The following STK38L variants were observed in gnomAD, a reference collection of about 807,000 sequenced individuals.
STK38L encodes serine/threonine kinase 38 like.
A neutral mutation model predicts 59.7 loss-of-function variants in STK38L; 28 were observed. The observed-to-expected ratio is 0.47, with a 90% CI of 0.35 to 0.64. STK38L has a LOEUF of 0.64. Among genes scored for constraint, STK38L ranks in the 30% least tolerant of loss-of-function variants. The probability of loss-of-function intolerance (pLI) is 0.01; values close to 1 mark genes in which losing one functional copy is unlikely to be tolerated. For missense variants in STK38L, 314 were observed against 555.8 expected (o/e 0.56, Z 4.37); for synonymous variants, 162 against 176.8 (o/e 0.92, Z 0.66).
intron 1 of STK38L, among the ~76,000 whole-genome samples, chr12:27,256,912 CCGTTTTACAT>C (rs1943102534): frequency 6.6e-6 from 1 of 152,138 alleles, no homozygotes; most frequent in African/African-American, 2.4e-5. Flanking sequence ...ATATGTGGTT[CCGTTTTACAT>C]CAAATAGAAT....
Position 27,322,133 on chromosome 12 carries a change from CT to C in STK38L, c.1176-5del, listed in dbSNP as rs1446003821. 1 of 1,608,986 alleles carries C rather than the reference CT, an allele frequency of 6.2e-7. No individual in the cohort carries two copies. Among genetic ancestry groups the C allele is most frequent in the African/African-American group, 1.3e-5 (1 of 74,598 alleles). ...AAAAGTTACCATGCATACTTAATAC[CT>C]TTTTATAGGGAAAGGCCAGCAGCAA... On this transcript the variant is annotated splice_polypyrimidine_tract_variant and intron_variant, in intron 12 of 13. Transcript: ENST00000389032.
At position 27,306,248 on chromosome 12, in the gene STK38L, T is replaced by C. The variant is rs188719632; in HGVS notation, c.187-2091T>C. Among the ~76,000 whole-genome samples the C allele has an allele frequency of 2.6e-3, 395 of 152,306 alleles. 8 individuals carry two copies. The highest frequency in any genetic ancestry group is 0.025 in the Admixed American group (376 of 15,300). On this transcript the variant is annotated intron_variant, in intron 3 of 13. Coordinates refer to ENST00000389032, the MANE Select transcript of STK38L (RefSeq NM_015000.4). Reference sequence around the variant, plus strand: ...GTGTATAGTGATGTCATCTTTTCCATTCAGATTAAGCAGGATTTCTGCAAC... The same window carrying C: ...GTGTATAGTGATGTCATCTTTTCCACTCAGATTAAGCAGGATTTCTGCAAC...
intron 1 of STK38L, among the ~76,000 whole-genome samples, chr12:27,256,569 G>A (rs57322987): frequency 0.084 from 12,795 of 152,236 alleles, 702 homozygotes; most frequent in African/African-American, 0.15. Flanking sequence ...TGTCTAGTAT[G>A]TATTTCTTTT....
rs1297241017 is a variant in STK38L at position 27,315,018 on chromosome 12, C to G, written c.676C>G (p.His226Asp). 6.3e-7 allele frequency: 1 copy of G among 1,598,048 alleles called. No individual in the cohort carries two copies. Among genetic ancestry groups the G allele is most frequent in the Admixed American group, 1.7e-5 (1 of 57,258 alleles). The change falls in exon 8 of 14, where the codon CAT becomes GAT. Residue 226 changes from histidine (H) to aspartate (D), a missense_variant. His to Asp is a moderately conservative substitution (Grantham distance 81). Transcript: ENST00000389032. ...PDNLLLDAKG[H>D]VKLSDFGLCT... ...ATTTTACTGGATTTTTTTTTAGGGT[C>G]ATGTAAAATTATCTGATTTTGGTTT... is the stretch of plus-strand genomic sequence containing the variant.
chr12:27,302,661 T>C (rs1431423811), intron 3 of STK38L, among the ~76,000 whole-genome samples: 1 of 152,140 alleles, frequency 6.6e-6, no homozygotes. Flanking sequence ...TTTGATCATC[T>C]TACTCTTTTG....
At chr12:27,263,833 T>G (rs1943251174) in intron 1 of STK38L, among the ~76,000 whole-genome samples, 1 of 152,228 alleles carries the variant, frequency 6.6e-6, no homozygotes, top group Non-Finnish European at 1.5e-5. Context: ...TAAATCTGTC[T>G]ACGTGAGAGT....
At chr12:27,267,592 A>G (rs563471076) in intron 1 of STK38L, among the ~76,000 whole-genome samples, 158 of 152,302 alleles carry the variant, frequency 1.0e-3, no homozygotes, top group African/African-American at 3.6e-3. Context: ...GAGTATTTTT[A>G]CAGTATGTAC....
At chr12:27,272,411 G>A (rs1344147124) in intron 1 of STK38L, among the ~76,000 whole-genome samples, 1 of 152,174 alleles carries the variant, frequency 6.6e-6, no homozygotes, top group East Asian at 1.9e-4. Flanking sequence ...TTTGCCATGC[G>A]ATTTAAATAT....
intron 2 of STK38L, chr12:27,300,708 G>C: frequency 2.3e-6 from 1 of 434,560 alleles, no homozygotes; most frequent in Non-Finnish European, 4.6e-6. Flanking sequence ...AGTGTAATAA[G>C]CACCAAGGTA....
In STK38L at chr12:27,256,367, C is replaced by G. The variant is rs374986147; in HGVS notation, c.-12+12035C>G. ...TTCCATCACTCCCCTACTCACCTCT[C>G]CAACCACACTGAACCACTAGCTTTC... On this transcript the variant is annotated intron_variant, in intron 1 of 13. Coordinates refer to ENST00000389032, the MANE Select transcript of STK38L (RefSeq NM_015000.4). 3.0e-4 allele frequency among the ~76,000 whole-genome samples: 46 copies of G among 152,302 alleles called. 2 individuals carry two copies. In the South Asian group the frequency reaches 9.3e-3, roughly 31 times the overall value.
rs779135583 is a variant in STK38L at position 27,324,827 on chromosome 12, G to A, written c.*2372G>A. Reference sequence around the variant, plus strand: ...GCAAATTAACTAGATAATTTGCAAAGTACCCTTGAGATTGAATTTTCTCTA... The same window carrying A: ...GCAAATTAACTAGATAATTTGCAAAATACCCTTGAGATTGAATTTTCTCTA... On this transcript the variant is annotated 3_prime_UTR_variant, in exon 14 of 14. Coordinates refer to ENST00000389032, the MANE Select transcript of STK38L (RefSeq NM_015000.4). The A allele has an allele frequency of 2.6e-5, 4 of 152,040 alleles. No individual in the cohort carries two copies. Among genetic ancestry groups the A allele is most frequent in the Non-Finnish European group, 5.9e-5 (4 of 67,950 alleles). 9.4% of individuals were successfully genotyped at this position (152,040 alleles called of 1,614,324 possible).
chr12:27,308,321 ATTG>A lies in STK38L; in HGVS notation c.187-15_187-13del, dbSNP rs779200741. On this transcript the variant is annotated splice_polypyrimidine_tract_variant and intron_variant, in intron 3 of 13. Transcript: ENST00000389032. The surrounding 1 kb of genome is among the most constrained non-coding windows in gnomAD (Gnocchi z 4.5). Reference sequence around the variant, plus strand: ...CCTAATTATAAAATCATCCGTTTAAATTGTTTTTTTTTAATAGAAAAAGTTACG... The same window carrying A: ...CCTAATTATAAAATCATCCGTTTAAATTTTTTTTTAATAGAAAAAGTTACG... The A allele has an allele frequency of 2.6e-6, 4 of 1,524,286 alleles. No homozygotes were observed. In the Admixed American group the frequency reaches 6.6e-5, roughly 25 times the overall value. The allele number at this position is 1,524,286 out of a possible 1,614,324, so 94.4% of individuals were successfully genotyped here.
At chr12:27,303,576 T>C (rs576125221) in intron 3 of STK38L, among the ~76,000 whole-genome samples, 9 of 152,306 alleles carry the variant, frequency 5.9e-5, no homozygotes, top group African/African-American at 2.2e-4. Flanking sequence ...AAACAAATAA[T>C]GGCTTTTGCC....
chr12:27,311,994 C>G (rs1203859545), intron 5 of STK38L, among the ~76,000 whole-genome samples: 1 of 152,124 alleles, frequency 6.6e-6, no homozygotes, highest in Non-Finnish European at 1.5e-5. Context: ...ATTCTCCTGC[C>G]TCAGCCTCCT....
At chr12:27,310,627 C>T (rs746322043) in intron 5 of STK38L, among the ~76,000 whole-genome samples, 21 of 152,028 alleles carry the variant, frequency 1.4e-4, no homozygotes, top group African/African-American at 4.8e-4. Context: ...TGATAATATT[C>T]GGATATATTA....
intron 5 of STK38L, among the ~76,000 whole-genome samples, chr12:27,312,060 T>C (rs1446503537): frequency 1.3e-5 from 2 of 152,000 alleles, no homozygotes; most frequent in Non-Finnish European, 2.9e-5. Context: ...TTTGTATGTT[T>C]AGTAGAGACG....
intron 1 of STK38L, among the ~76,000 whole-genome samples, chr12:27,281,106 G>T (rs1943649166): frequency 8.9e-3 from 2 of 224 alleles, no homozygotes; most frequent in Non-Finnish European, 8.1e-3. Context: ...TTTTTTTTGA[G>T]ACGGAGTCTC....
At chr12:27,285,936 C>T (rs189260888) in intron 1 of STK38L, among the ~76,000 whole-genome samples, 4 of 152,238 alleles carry the variant, frequency 2.6e-5, no homozygotes. Flanking sequence ...CCTTTCTAGT[C>T]ACCAGTGGAA....
intron 1 of STK38L, among the ~76,000 whole-genome samples, chr12:27,249,391 C>T (rs1418720225): frequency 2.0e-5 from 3 of 152,064 alleles, no homozygotes; most frequent in Non-Finnish European, 2.9e-5. Flanking sequence ...AAGGCTGGAG[C>T]GCAATGCATG....
Sources: gnomAD v4.1 joint callset for allele counts (sites outside exome capture counted in the v4.1 genomes callset) on GRCh38, gnomAD v4.1.1 for gene constraint, Gnocchi (gnomAD v3.1) non-coding constraint, MANE v1.5 for transcripts, NCBI Gene and HGNC (gene_info 2026-07-23, HGNC 2026-07-21) for gene names.